The following NCALD variants were observed in gnomAD, a reference collection of about 807,000 sequenced individuals.
NCALD encodes the protein neurocalcin-delta.
Under a neutral mutation model 18.6 loss-of-function variants are expected in NCALD, and 10 were observed. The ratio of observed to expected loss-of-function variants is 0.54; its 90% CI spans 0.33 to 0.91. NCALD has a LOEUF of 0.91. NCALD is among the 40% of genes least tolerant of loss of function. The pLI is 0.03. For missense variants in NCALD, 184 were observed against 247.6 expected (o/e 0.74, Z 1.72); for synonymous variants, 88 against 87.4 (o/e 1.01, Z -0.04).
rs1816256256 is a variant in NCALD at position 101,719,604 on chromosome 8, C to T, written c.26G>A (p.Arg9His). 6 of 1,596,474 alleles carry T rather than the reference C, an allele frequency of 3.8e-6. No homozygotes were observed. The highest frequency in any genetic ancestry group is 4.3e-6 in the Non-Finnish European group (5 of 1,172,844). ...CAGCAAGTCCTGCATGACCTCCGGG[C>T]GCAGCTTGCTGTTCTGTTTCCCCAT... MGKQNSKLRPEVMQDLLES... is the reference protein window; with the variant it reads MGKQNSKLHPEVMQDLLES... Residue 9 changes from arginine (R) to histidine (H), a missense_variant, in exon 2 of 4, where the codon CGC (arginine) becomes CAC (histidine). Transcript: ENST00000220931.
chr8:102,071,480 G>C (rs1210619106), intron 1 of NCALD, among the ~76,000 whole-genome samples: 1 of 152,126 alleles, frequency 6.6e-6, no homozygotes, highest in Non-Finnish European at 1.5e-5. Flanking sequence ...ACAGTCCGAA[G>C]GGGAGAAAAA....
chr8:101,928,705 C>T lies in NCALD; in HGVS notation c.-156-12847G>A, dbSNP rs192567366. ...ATCTCCTGTTTATTCATTTTCAGGA[C>T]TTCTTACAACTTTCAGTGTGGTTGC... On this transcript the variant is annotated intron_variant, in intron 2 of 6. Transcript: ENST00000311028. Among the ~76,000 whole-genome samples the T allele has an allele frequency of 2.2e-3, 328 of 151,650 alleles. 3 individuals are homozygous for T. Among genetic ancestry groups the T allele is most frequent in the African/African-American group, 7.1e-3 (294 of 41,304 alleles).
intron 4 of NCALD, among the ~76,000 whole-genome samples, chr8:101,878,898 C>T (rs1389538759): frequency 3.3e-5 from 5 of 152,098 alleles, no homozygotes; most frequent in Non-Finnish European, 5.9e-5. Flanking sequence ...CCTATGATTA[C>T]GATGATGAAA....
chr8:101,749,566 AC>A, intron 1 of NCALD, among the ~76,000 whole-genome samples: 1 of 152,186 alleles, frequency 6.6e-6, no homozygotes, highest in Admixed American at 6.5e-5. Context: ...CAGTAATCTC[AC>A]CTGCAAAATA....
At chr8:101,701,653 C>T (rs1408098199) in intron 2 of NCALD, among the ~76,000 whole-genome samples, 2 of 152,210 alleles carry the variant, frequency 1.3e-5, no homozygotes, top group Non-Finnish European at 2.9e-5. Flanking sequence ...CAAGGTTGTG[C>T]AATTAACTGA....
chr8:102,075,415 A>G (rs1409023395), intron 1 of NCALD, among the ~76,000 whole-genome samples: 1 of 152,202 alleles, frequency 6.6e-6, no homozygotes, highest in African/African-American at 2.4e-5. Context: ...ATGGGACAAT[A>G]GTGGTACCAA....
intron 1 of NCALD, among the ~76,000 whole-genome samples, chr8:101,726,107 TGTG>T (rs2130520621): frequency 6.6e-6 from 1 of 152,178 alleles, no homozygotes; most frequent in South Asian, 2.1e-4. Flanking sequence ...AGATCCAGGA[TGTG>T]GCTGGAGTGG....
chr8:101,880,252 C>A lies in NCALD; in HGVS notation c.-20+6889G>T, dbSNP rs142664422. Among the ~76,000 whole-genome samples the A allele has an allele frequency of 3.1e-3, 479 of 152,278 alleles. 5 individuals carry two copies. Among genetic ancestry groups the A allele is most frequent in the Non-Finnish European group, 3.0e-3 (201 of 68,008 alleles). ...AGCTGCTGGCCCTGGTGCTAAGCCC[C>A]TTACTGCCCGGGGCCAGCAGCACTG... On this transcript the variant is annotated intron_variant, in intron 4 of 6. Coordinates refer to the NCALD transcript ENST00000311028.
rs193212151 is a variant in NCALD, at chr8:102,107,591, G to A, written c.-210+16646C>T. ...GCACACTACCAAGTCCCAAGTAAAG[G>A]GACATTCTCATGTGGGAATAAGCCA... On this transcript the variant is annotated intron_variant, in intron 1 of 6. Transcript: ENST00000311028. 2.6e-5 allele frequency among the ~76,000 whole-genome samples: 4 copies of A among 152,172 alleles called. No individual in the cohort carries two copies. The East Asian group carries it at 7.7e-4, about 29-fold the overall frequency.
At chr8:101,885,732 G>A (rs1369199130) in intron 4 of NCALD, among the ~76,000 whole-genome samples, 1 of 152,200 alleles carries the variant, frequency 6.6e-6, no homozygotes, top group African/African-American at 2.4e-5. Context: ...CCCAGGTGCT[G>A]CAGGAGGGAC....
intron 4 of NCALD, among the ~76,000 whole-genome samples, chr8:101,884,985 A>T (rs1008912015): frequency 8.5e-5 from 13 of 152,190 alleles, no homozygotes; most frequent in African/African-American, 3.1e-4. Flanking sequence ...GGACATTGAA[A>T]ATACAGAATA....
At chr8:101,692,319 A>T (rs925982869) in intron 3 of NCALD, 10 of 985,278 alleles carry the variant, frequency 1.0e-5, no homozygotes, top group Non-Finnish European at 1.1e-5. Flanking sequence ...TCTCTGGGAA[A>T]CACAACATCT....
At chr8:101,762,521 T>G (rs977218986) in intron 1 of NCALD, among the ~76,000 whole-genome samples, 1 of 151,892 alleles carries the variant, frequency 6.6e-6, no homozygotes, top group African/African-American at 2.4e-5. Flanking sequence ...GAATAAACCT[T>G]AGCTTATGGT....
chr8:102,122,012 C>G (rs1247811747), intron 1 of NCALD, among the ~76,000 whole-genome samples: 1 of 152,224 alleles, frequency 6.6e-6, no homozygotes, highest in Non-Finnish European at 1.5e-5. Flanking sequence ...TCTCAAGGCA[C>G]ATGCAGGTGC....
At chr8:101,846,200 G>C (rs555855758) in intron 4 of NCALD, among the ~76,000 whole-genome samples, 16 of 152,256 alleles carry the variant, frequency 1.1e-4, no homozygotes, top group South Asian at 4.2e-4. Flanking sequence ...GGGATTGCTA[G>C]ATCAGATGGT....
At chr8:101,994,881 A>T (rs1821180684) in intron 2 of NCALD, among the ~76,000 whole-genome samples, 1 of 152,250 alleles carries the variant, frequency 6.6e-6, no homozygotes, top group South Asian at 2.1e-4. Flanking sequence ...TGAGTGGCCC[A>T]TCTAACTTTT....
intron 1 of NCALD, among the ~76,000 whole-genome samples, chr8:101,781,301 G>A (rs1319173800): frequency 6.6e-6 from 1 of 152,114 alleles, no homozygotes; most frequent in Non-Finnish European, 1.5e-5. Flanking sequence ...TCTAGTCCTA[G>A]TAATATACTC....
At chr8:101,796,200 T>C (rs1055085381) in intron 4 of NCALD, among the ~76,000 whole-genome samples, 1 of 152,232 alleles carries the variant, frequency 6.6e-6, no homozygotes, top group East Asian at 1.9e-4. Flanking sequence ...AAGATAATTT[T>C]CCCCCTTTCT....
intron 4 of NCALD, among the ~76,000 whole-genome samples, chr8:101,850,512 AG>A (rs1348730378): frequency 6.6e-6 from 1 of 152,232 alleles, no homozygotes; most frequent in Non-Finnish European, 1.5e-5. Context: ...TACCCAGGAA[AG>A]AAAAGGATCT....
Sources: allele counts gnomAD v4.1 joint callset (sites outside exome capture counted in the v4.1 genomes callset), GRCh38; gene constraint gnomAD v4.1.1; transcripts MANE v1.5; gene names NCBI Gene and HGNC (gene_info 2026-07-23, HGNC 2026-07-21).